Variants in MMP20 observed in about 807,000 individuals in gnomAD.
The protein encoded by MMP20 is matrix metalloproteinase-20.
Under a neutral mutation model 51.8 loss-of-function variants are expected in MMP20, and 50 were observed. The observed-to-expected ratio is 0.97, with a 90% CI of 0.77 to 1.22. The LOEUF (loss-of-function observed/expected upper bound fraction) is 1.22. Ranked by LOEUF, MMP20 falls within the 50% of genes most tolerant of loss-of-function variation. The pLI, the probability that MMP20 is intolerant of heterozygous loss-of-function variation, is 0.00. For missense variants in MMP20, 663 were observed against 601.4 expected (o/e 1.10, Z -1.07); for synonymous variants, 244 against 216.2 (o/e 1.13, Z -1.13).
chr11:102,612,655 C>T (rs1721021649), intron 2 of MMP20, among the ~76,000 whole-genome samples: 1 of 150,992 alleles, frequency 6.6e-6, no homozygotes, highest in South Asian at 2.1e-4. Flanking sequence ...CAAAGCTCCT[C>T]AGGATTTCCC....
Position 102,611,852 on chromosome 11 carries a change from C to G in MMP20, c.426G>C (p.Val142=), listed in dbSNP as rs1859605136. 1 of 1,614,216 alleles carries G rather than the reference C, an allele frequency of 6.2e-7. No homozygotes were observed. Among genetic ancestry groups the G allele is most frequent in the South Asian group, 1.1e-5 (1 of 91,090 alleles). Reference sequence around the variant, plus strand: ...TACTCCAGGCCTGCAAGGCCATCTCCACTGCTTTGTCCACCTCGACAGAAC... The same window carrying G: ...TACTCCAGGCCTGCAAGGCCATCTCGACTGCTTTGTCCACCTCGACAGAAC... ...SMSSVEVDKA[V]EMALQAWSSA... The change falls in exon 3 of 10, where the codon GTG becomes GTC. Residue 142 remains valine, a synonymous_variant. Transcript: ENST00000260228.
chr11:102,593,214 C>A (rs1238312174), intron 8 of MMP20, among the ~76,000 whole-genome samples: 2 of 152,130 alleles, frequency 1.3e-5, no homozygotes, highest in Admixed American at 6.5e-5. Flanking sequence ...TGTGTCAAGT[C>A]CTACAGACCA....
chr11:102,615,904 C>T (rs1446694216), intron 2 of MMP20, among the ~76,000 whole-genome samples: 1 of 152,146 alleles, frequency 6.6e-6, no homozygotes, highest in Admixed American at 6.5e-5. Context: ...CAGGCACCAT[C>T]CACCCCTACC....
At position 102,606,393 on chromosome 11, in the gene MMP20, C is replaced by T. The variant is rs1859516319; in HGVS notation, c.953+142G>A. 4.5e-6 allele frequency: 5 copies of T among 1,119,088 alleles called. No individual in the cohort carries two copies. In the South Asian group the frequency reaches 6.7e-5, roughly 15 times the overall value. The allele number at this position is 1,119,088 out of a possible 1,614,324, so 69.3% of individuals were successfully genotyped here. A position where few individuals can be genotyped will look rare whatever the true frequency, so the allele number is the denominator to read the frequency against. On this transcript the variant is annotated intron_variant, in intron 6 of 9. Coordinates refer to ENST00000260228, the MANE Select transcript of MMP20 (RefSeq NM_004771.4). ...GCAGTTCTCTATCTCCCCCAAAGAC[C>T]CCTGCCTACCACCCTTCTGCTGCAT... is the stretch of plus-strand genomic sequence containing the variant.
intron 5 of MMP20, chr11:102,607,861 C>T (rs963305022): frequency 1.7e-4 from 26 of 152,106 alleles, no homozygotes; most frequent in African/African-American, 6.0e-4. Context: ...GGAACACTGC[C>T]ACCAAGGCTC....
At chr11:102,590,651 C>T (rs1859306579) in intron 8 of MMP20, among the ~76,000 whole-genome samples, 1 of 152,214 alleles carries the variant, frequency 6.6e-6, no homozygotes, top group Non-Finnish European at 1.5e-5. Flanking sequence ...CAAGGAAGAA[C>T]TTGAGAAATG....
In MMP20 at chr11:102,610,014, A is replaced by G. The variant is rs760661210; in HGVS notation, c.540T>C (p.Tyr180=). 6 of 1,614,020 alleles carry G rather than the reference A, an allele frequency of 3.7e-6. No homozygotes were observed. The Admixed American group carries it at 1.0e-4, about 27-fold the overall frequency. Reference sequence around the variant, plus strand: ...GAGTCCCCCGAGGCCCATCGAATGGATAGGAATCCCCGTGATCTAAACAAG... The same window carrying G: ...GAGTCCCCCGAGGCCCATCGAATGGGTAGGAATCCCCGTGATCTAAACAAG... ...SFENGDHGDS[Y]PFDGPRGTLA... The change falls in exon 4 of 10, where the codon TAT becomes TAC. Residue 180 remains tyrosine, a synonymous_variant. Transcript: ENST00000260228.
At chr11:102,594,506 G>A in intron 7 of MMP20, 115 bp downstream of exon 7, 4 of 1,368,914 alleles carry the variant, frequency 2.9e-6, no homozygotes, top group South Asian at 2.5e-5. Context: ...TGAGGACAAA[G>A]AGCAACTGAA....
intron 6 of MMP20, among the ~76,000 whole-genome samples, chr11:102,600,012 A>G (rs61344910): frequency 0.15 from 22,133 of 152,172 alleles, 1,755 homozygotes; most frequent in Middle Eastern, 0.2. Context: ...CTCTCTCAGA[A>G]TCAGGTGGTT....
rs201126675 is a variant in MMP20 at position 102,581,944 on chromosome 11, ACTGAGG to A, written c.1248-2808_1248-2803del. Among the ~76,000 whole-genome samples, 733 of 152,304 alleles carry A rather than the reference ACTGAGG, an allele frequency of 4.8e-3. 3 individuals are homozygous for A. The highest frequency in any genetic ancestry group is 0.011 in the South Asian group (53 of 4,822). On this transcript the variant is annotated intron_variant, in intron 8 of 9. Coordinates refer to ENST00000260228, the MANE Select transcript of MMP20 (RefSeq NM_004771.4). ...AAATCATTGCATATATCCTCTCATCACTGAGGTCTTGTTTGTGAAACCTAAATACCA... is the reference window on the plus strand; with the variant it reads ...AAATCATTGCATATATCCTCTCATCATCTTGTTTGTGAAACCTAAATACCA...
At chr11:102,587,824 A>G (rs560958314) in intron 8 of MMP20, among the ~76,000 whole-genome samples, 1 of 152,134 alleles carries the variant, frequency 6.6e-6, no homozygotes, top group African/African-American at 2.4e-5. Flanking sequence ...CTTTCAATCT[A>G]TTTGTATCTT....
intron 2 of MMP20, among the ~76,000 whole-genome samples, chr11:102,615,991 C>T (rs1859664758): frequency 6.6e-6 from 1 of 152,130 alleles, no homozygotes; most frequent in African/African-American, 2.4e-5. Context: ...CGCTGGCTCC[C>T]AGAATCAGGT....
Position 102,601,139 on chromosome 11 carries a change from T to G in MMP20, c.953+5396A>C, listed in dbSNP as rs1565394402. 1.1e-3 allele frequency among the ~76,000 whole-genome samples: 51 copies of G among 44,840 alleles called. 1 individual carries two copies. Among genetic ancestry groups the G allele is most frequent in the South Asian group, 2.0e-3 (2 of 982 alleles). 29.4% of individuals were successfully genotyped at this position (44,840 alleles called of 152,430 possible). A position where few individuals can be genotyped will look rare whatever the true frequency, so the allele number is the denominator to read the frequency against. On this transcript the variant is annotated intron_variant, in intron 6 of 9. Coordinates refer to ENST00000260228, the MANE Select transcript of MMP20 (RefSeq NM_004771.4). ...TGTCGGCTATTCTTTTTTTTTTTTT[T>G]TTTTTTTTTTTGAGACGGAGTCTCG...
At chr11:102,615,551 G>C (rs1784416) in intron 2 of MMP20, among the ~76,000 whole-genome samples, 110,115 of 151,952 alleles carry the variant, frequency 0.72, 40,563 homozygotes, top group East Asian at 0.98. Context: ...ATCCTAAAAG[G>C]GAAATCTGAT....
chr11:102,621,176 TA>T (rs1441796912), intron 1 of MMP20, among the ~76,000 whole-genome samples: 1 of 152,206 alleles, frequency 6.6e-6, no homozygotes, highest in Admixed American at 6.5e-5. Flanking sequence ...GCAGGGCAAT[TA>T]TACCTTTTAC....
At chr11:102,593,364 C>A (rs763010161) in intron 8 of MMP20, 75 bp downstream of exon 8, 1 of 1,522,208 alleles carries the variant, frequency 6.6e-7, no homozygotes, top group Non-Finnish European at 9.0e-7. Context: ...TGCATTCTTT[C>A]GTGGAAGGGT....
chr11:102,578,736 A>AAAAAAAC (rs147058509), intron 9 of MMP20, among the ~76,000 whole-genome samples: 1 of 150,658 alleles, frequency 6.6e-6, no homozygotes, highest in East Asian at 2.0e-4. Flanking sequence ...CTCCGTCTCA[A>AAAAAAAC]AAAAAACAAA....
At chr11:102,578,965 T>C (rs1859161336) in intron 9 of MMP20, 74 bp downstream of exon 9, 1 of 1,106,918 alleles carries the variant, frequency 9.0e-7, no homozygotes. Flanking sequence ...AAATCCACTT[T>C]CTGTTGTGTT....
At position 102,608,203 on chromosome 11, in the gene MMP20, G is replaced by A. The variant is rs928742651; in HGVS notation, c.811+734C>T. On this transcript the variant is annotated intron_variant, in intron 5 of 9. Coordinates refer to ENST00000260228, the MANE Select transcript of MMP20 (RefSeq NM_004771.4). Reference sequence around the variant, plus strand: ...CAGGTCTCCAGGGCTCAAAGGAAAAGCAATTTCCTAGATCTTTTTGCCTTT... The same window carrying A: ...CAGGTCTCCAGGGCTCAAAGGAAAAACAATTTCCTAGATCTTTTTGCCTTT... 3.9e-5 allele frequency: 6 copies of A among 152,206 alleles called. No individual in the cohort carries two copies. In the East Asian group the frequency reaches 9.6e-4, roughly 24 times the overall value. The allele number at this position is 152,206 out of a possible 1,614,324, so 9.4% of individuals were successfully genotyped here.
Sources: gnomAD v4.1 joint callset for allele counts (sites outside exome capture counted in the v4.1 genomes callset) on GRCh38, gnomAD v4.1.1 for gene constraint, MANE v1.5 for transcripts, NCBI Gene and HGNC (gene_info 2026-07-23, HGNC 2026-07-21) for gene names.